Variants in TTBK2 observed in about 807,000 individuals in gnomAD.
TTBK2 encodes tau-tubulin kinase 2.
Under a neutral mutation model 110.8 loss-of-function variants are expected in TTBK2, and 28 were observed. The observed-to-expected ratio is 0.25, with a 90% CI of 0.19 to 0.35. The LOEUF (loss-of-function observed/expected upper bound fraction) is 0.35. TTBK2 is among the 10% of genes least tolerant of loss of function. The probability of loss-of-function intolerance (pLI) is 1.00; values close to 1 mark genes in which losing one functional copy is unlikely to be tolerated. For missense variants in TTBK2, 1,369 were observed against 1,500.3 expected, an observed-to-expected ratio of 0.91 and a Z score of 1.45; for synonymous variants, 532 against 527.3, an observed-to-expected ratio of 1.01 and a Z score of -0.12.
intron 3 of TTBK2, among the ~76,000 whole-genome samples, chr15:42,855,957 C>T (rs1216584546): frequency 6.6e-6 from 1 of 152,236 alleles, no homozygotes; most frequent in Admixed American, 6.5e-5. Context: ...GCTAGGATTA[C>T]AGGCGTGAGC....
chr15:42,885,718 C>G (rs1895216531), intron 1 of TTBK2, among the ~76,000 whole-genome samples: 2 of 152,028 alleles, frequency 1.3e-5, no homozygotes, highest in African/African-American at 4.8e-5. Flanking sequence ...GGCAAGCACT[C>G]CCCACCCCTT....
intron 1 of TTBK2, among the ~76,000 whole-genome samples, chr15:42,895,894 A>G (rs1433484995): frequency 6.6e-6 from 1 of 152,040 alleles, no homozygotes; most frequent in African/African-American, 2.4e-5. Context: ...ATCCCAAAAC[A>G]AAACCCCATA....
chr15:42,876,011 G>A (rs956541523), intron 2 of TTBK2, among the ~76,000 whole-genome samples: 1 of 151,890 alleles, frequency 6.6e-6, no homozygotes, highest in Non-Finnish European at 1.5e-5. Flanking sequence ...GGGGTTGGGG[G>A]TGAAGAGCTA....
chr15:42,763,084 T>TTATATA (rs373174591), intron 13 of TTBK2, among the ~76,000 whole-genome samples: 18 of 108,794 alleles, frequency 1.7e-4, no homozygotes, highest in African/African-American at 8.0e-4. Context: ...GTTAACAATT[T>TTATATA]TATATATATA....
At chr15:42,801,020 C>T in intron 9 of TTBK2, 1 of 765,408 alleles carries the variant, frequency 1.3e-6, no homozygotes, top group Non-Finnish European at 2.4e-6. Flanking sequence ...GGGTTTCGAT[C>T]TTCTTCATGA....
At chr15:42,826,339 A>T (rs878987295) in intron 6 of TTBK2, among the ~76,000 whole-genome samples, 4 of 152,218 alleles carry the variant, frequency 2.6e-5, no homozygotes, top group Admixed American at 2.6e-4. Context: ...AGGAGCTGAG[A>T]CCAAATAAGA....
chr15:42,884,357 T>C (rs1895161988), intron 1 of TTBK2, among the ~76,000 whole-genome samples: 1 of 152,230 alleles, frequency 6.6e-6, no homozygotes, highest in Admixed American at 6.5e-5. Flanking sequence ...TCCCTGGTTC[T>C]TGTTCAGCGC....
rs532858673 is a variant in TTBK2, at chr15:42,763,991, A to G, written c.1999-10744T>C. On this transcript the variant is annotated intron_variant, in intron 13 of 14. Coordinates refer to ENST00000267890, the MANE Select transcript of TTBK2 (RefSeq NM_173500.4). ...AAATCATAAGCCACAACTCATATCC[A>G]AAGAATAGAAGCCCAGAAAAGATGG... Among the ~76,000 whole-genome samples, 33 of 152,344 alleles carry G rather than the reference A, an allele frequency of 2.2e-4. No homozygotes were observed. In the South Asian group the frequency reaches 6.6e-3, roughly 31 times the overall value.
At chr15:42,911,203 G>A (rs964565750) in intron 1 of TTBK2, among the ~76,000 whole-genome samples, 4 of 152,172 alleles carry the variant, frequency 2.6e-5, no homozygotes, top group African/African-American at 7.2e-5. Flanking sequence ...GAAGACATCT[G>A]GTCGATTGCA....
Position 42,763,109 on chromosome 15 carries a change from TATATATATAC to T in TTBK2, c.1999-9872_1999-9863del, listed in dbSNP as rs1326253698. On this transcript the variant is annotated intron_variant, in intron 13 of 14. Transcript: ENST00000267890. ...TTATATATATATATATATACGTATA[TATATATATAC>T]ACATATATATACATATATACATACA... is the stretch of plus-strand genomic sequence containing the variant. 3.1e-3 allele frequency among the ~76,000 whole-genome samples: 370 copies of T among 118,514 alleles called. 19 individuals are homozygous for T. The highest frequency in any genetic ancestry group is 0.012 in the Middle Eastern group (3 of 246). The allele number at this position is 118,514 out of a possible 152,430, so 77.7% of individuals were successfully genotyped here. A position where few individuals can be genotyped will look rare whatever the true frequency, so the allele number is the denominator to read the frequency against.
intron 1 of TTBK2, chr15:42,919,973 G>C (rs2031281559): frequency 9.3e-6 from 2 of 214,910 alleles, no homozygotes; most frequent in Admixed American, 1.3e-4. Flanking sequence ...GTACAAGAAA[G>C]TCGCGGCCTT....
At chr15:42,746,425 T>C (rs182605292) in intron 14 of TTBK2, among the ~76,000 whole-genome samples, 168 bp from the exon 15 acceptor site, 4 of 152,338 alleles carry the variant, frequency 2.6e-5, no homozygotes, top group Non-Finnish European at 4.4e-5. Context: ...GACAAATTCT[T>C]CAATCTCTCC....
At chr15:42,816,948 AAT>A (rs1892059171) in intron 7 of TTBK2, 82 bp downstream of exon 7, 2 of 641,896 alleles carry the variant, frequency 3.1e-6, no homozygotes, top group South Asian at 4.1e-5. Flanking sequence ...ATATATATAA[AAT>A]AATAATAAAA....
chr15:42,763,814 A>G (rs1363872455), intron 13 of TTBK2, among the ~76,000 whole-genome samples: 3 of 152,194 alleles, frequency 2.0e-5, no homozygotes, highest in African/African-American at 7.2e-5. Context: ...CAAAACTAAA[A>G]ACCTAAAGCC....
chr15:42,835,211 G>A (rs934209682), intron 4 of TTBK2, among the ~76,000 whole-genome samples: 56 of 152,102 alleles, frequency 3.7e-4, no homozygotes, highest in African/African-American at 1.2e-3. Context: ...AAAAACCACT[G>A]GTAACTTTAA....
chr15:42,853,508 CAATTA>C (rs1280994589), intron 3 of TTBK2, among the ~76,000 whole-genome samples: 1 of 152,018 alleles, frequency 6.6e-6, no homozygotes, highest in Non-Finnish European at 1.5e-5. Context: ...AATAATCCTT[CAATTA>C]ATTACCTTCT....
chr15:42,752,382 G>T lies in TTBK2; in HGVS notation c.2864C>A (p.Thr955Asn), dbSNP rs758567031. The T allele has an allele frequency of 1.2e-6, 2 of 1,614,206 alleles. No individual in the cohort carries two copies. The highest frequency in any genetic ancestry group is 2.2e-5 in the South Asian group (2 of 91,088). Reference sequence around the variant, plus strand: ...AGAAACTGGAGAGGATGATTCCAAAGTTGAGTCTATCTCTTGTGCTAAAAC... The same window carrying T: ...AGAAACTGGAGAGGATGATTCCAAATTTGAGTCTATCTCTTGTGCTAAAAC... Reference protein sequence around the residue: ...IPVLAQEIDSTLESSSPVSAK... With the variant: ...IPVLAQEIDSNLESSSPVSAK... Residue 955 changes from threonine to asparagine, a missense_variant, in exon 14 of 15, where the codon ACT (threonine) becomes AAT (asparagine). Around this residue, in one of 4 missense-constraint regions of TTBK2, gnomAD observed 1,097 missense variants for 1,114.7 expected, o/e 0.98. Coordinates refer to ENST00000267890, the MANE Select transcript of TTBK2 (RefSeq NM_173500.4).
At chr15:42,789,576 A>T (rs1338559831) in intron 10 of TTBK2, among the ~76,000 whole-genome samples, 1 of 152,056 alleles carries the variant, frequency 6.6e-6, no homozygotes, top group Non-Finnish European at 1.5e-5. Flanking sequence ...TCTAATAAAA[A>T]TACAAAAATT....
upstream of TTBK2, chr15:42,920,887 T>C (rs1407287446): frequency 1.3e-5 from 2 of 152,776 alleles, no homozygotes; most frequent in East Asian, 1.9e-4. Flanking sequence ...CAGGTGCTGA[T>C]TGGAGAGTGC....
Sources: allele counts gnomAD v4.1 joint callset (sites outside exome capture counted in the v4.1 genomes callset), GRCh38; gene constraint gnomAD v4.1.1; regional missense constraint gnomAD v4.1.1; transcripts MANE v1.5; gene names NCBI Gene and HGNC (gene_info 2026-07-23, HGNC 2026-07-21).